Variants in LINGO2 observed in about 807,000 individuals in gnomAD.
The protein encoded by LINGO2 is leucine-rich repeat and immunoglobulin-like domain-containing nogo receptor-interacting protein 2.
Under a neutral mutation model 30.6 loss-of-function variants are expected in LINGO2, and 14 were observed. The ratio of observed to expected loss-of-function variants is 0.46; its 90% CI spans 0.30 to 0.72. LINGO2 has a LOEUF of 0.72. LINGO2 is among the 30% of genes least tolerant of loss of function. LINGO2 has a pLI of 0.07. For missense variants in LINGO2, 729 were observed against 751.7 expected (o/e 0.97, Z 0.35); for synonymous variants, 317 against 288.5 (o/e 1.10, Z -1.00).
At chr9:28,407,794 C>A (rs2134786406) in intron 2 of LINGO2, among the ~76,000 whole-genome samples, 1 of 152,266 alleles carries the variant, frequency 6.6e-6, no homozygotes, top group South Asian at 2.1e-4. Context: ...TATAATTTTA[C>A]AAATAAGTCT....
intron 4 of LINGO2, among the ~76,000 whole-genome samples, chr9:28,263,470 T>G (rs1822636663): frequency 6.6e-6 from 1 of 151,952 alleles, no homozygotes; most frequent in Admixed American, 6.6e-5. Context: ...AAAGCAGGAC[T>G]TTTGGAGACC....
At chr9:28,225,994 C>A (rs1821131310) in intron 4 of LINGO2, among the ~76,000 whole-genome samples, 1 of 152,080 alleles carries the variant, frequency 6.6e-6, no homozygotes, top group Admixed American at 6.6e-5. Context: ...AAATCAATCT[C>A]CAGGAATGAC....
chr9:27,957,103 A>C (rs1010890049), intron 5 of LINGO2, among the ~76,000 whole-genome samples: 1 of 152,114 alleles, frequency 6.6e-6, no homozygotes, highest in Non-Finnish European at 1.5e-5. Context: ...CAAAAATATA[A>C]ATAAGTAAAC....
chr9:29,158,648 C>CGTAT, the LINGO2 span, among the ~76,000 whole-genome samples: 1 of 152,168 alleles, frequency 6.6e-6, no homozygotes. Context: ...GGTTATACTA[C>CGTAT]AACTCTCTAA....
At chr9:28,262,350 T>C (rs758140837) in intron 4 of LINGO2, among the ~76,000 whole-genome samples, 4 of 151,948 alleles carry the variant, frequency 2.6e-5, no homozygotes, top group African/African-American at 4.8e-5. Flanking sequence ...AGATCTATTA[T>C]AGCTTCAATG....
chr9:28,267,855 A>G (rs1437237605), intron 4 of LINGO2, among the ~76,000 whole-genome samples: 4 of 151,950 alleles, frequency 2.6e-5, no homozygotes, highest in African/African-American at 4.8e-5. Flanking sequence ...ACCAAGTTCA[A>G]TTCTTGGCTC....
intron 1 of LINGO2, among the ~76,000 whole-genome samples, chr9:28,522,945 A>G (rs562189879): frequency 6.6e-6 from 1 of 152,190 alleles, no homozygotes; most frequent in East Asian, 1.9e-4. Context: ...ACAGGGAGAA[A>G]CAGAGTAAGG....
the LINGO2 span, among the ~76,000 whole-genome samples, chr9:28,782,935 G>C: frequency 6.6e-6 from 1 of 152,118 alleles, no homozygotes; most frequent in Non-Finnish European, 1.5e-5. Context: ...TTGCTGCTAG[G>C]TTACAAACCT....
intron 2 of LINGO2, among the ~76,000 whole-genome samples, chr9:28,452,219 C>CA (rs911344606): frequency 1.3e-5 from 2 of 151,618 alleles, no homozygotes; most frequent in Non-Finnish European, 3.0e-5. Flanking sequence ...ATTTACTAAG[C>CA]AAAAGAGTAG....
At chr9:28,788,490 T>C in the LINGO2 span, among the ~76,000 whole-genome samples, 1 of 152,194 alleles carries the variant, frequency 6.6e-6, no homozygotes, top group Admixed American at 6.5e-5. Flanking sequence ...GCTTTGGTAT[T>C]TGAGAGCGAA....
chr9:29,157,594 G>A, the LINGO2 span, among the ~76,000 whole-genome samples: 105 of 152,108 alleles, frequency 6.9e-4, no homozygotes, highest in African/African-American at 2.5e-3. Context: ...AATAATATCA[G>A]ACTAAAAAAA....
At chr9:28,671,986 CTTA>C (rs963467918), upstream of LINGO2, among the ~76,000 whole-genome samples, 7 of 151,918 alleles carry the variant, frequency 4.6e-5, no homozygotes, top group African/African-American at 1.5e-4. Flanking sequence ...ATATATATTT[CTTA>C]TTATGTGCTT....
the LINGO2 span, among the ~76,000 whole-genome samples, chr9:28,967,338 A>G: frequency 6.6e-6 from 1 of 152,168 alleles, no homozygotes; most frequent in Non-Finnish European, 1.5e-5. Flanking sequence ...GCAATATTGT[A>G]AGGAAAAGTC....
chr9:28,055,032 C>CA (rs138401598), intron 4 of LINGO2, among the ~76,000 whole-genome samples: 33,160 of 151,686 alleles, frequency 0.22, 3,696 homozygotes, highest in South Asian at 0.37. Flanking sequence ...CACAAACTTG[C>CA]AAAAAAAATA....
chr9:29,041,802 A>G, the LINGO2 span, among the ~76,000 whole-genome samples: 1 of 152,162 alleles, frequency 6.6e-6, no homozygotes, highest in East Asian at 1.9e-4. Flanking sequence ...TGATAAGTAG[A>G]TCTTATCAAA....
rs1824650023 is a variant in LINGO2, at chr9:28,587,955, C to G, written c.-365+82245G>C. 3.9e-5 allele frequency among the ~76,000 whole-genome samples: 6 copies of G among 151,928 alleles called. No homozygotes were observed. The South Asian group carries it at 1.2e-3, about 31-fold the overall frequency. ...GGACACCGAGTTGGATGAAGAATTG[C>G]TGTAGTAGGCACTGGGCTGGCCACG... is the stretch of plus-strand genomic sequence containing the variant. On this transcript the variant is annotated intron_variant, in intron 1 of 5. Coordinates refer to ENST00000379992, the Ensembl canonical transcript of LINGO2.
chr9:28,180,626 A>C (rs1003194313), intron 4 of LINGO2, among the ~76,000 whole-genome samples: 2 of 152,310 alleles, frequency 1.3e-5, no homozygotes, highest in Middle Eastern at 3.4e-3. Flanking sequence ...AACAGCTTAA[A>C]GACCAGCTTT....
At chr9:28,861,299 TTATA>T in the LINGO2 span, among the ~76,000 whole-genome samples, 1 of 127,578 alleles carries the variant, frequency 7.8e-6, no homozygotes. Context: ...ATTTTATATA[TTATA>T]TATTTTATAT....
At chr9:29,002,940 A>C in the LINGO2 span, among the ~76,000 whole-genome samples, 2 of 152,012 alleles carry the variant, frequency 1.3e-5, no homozygotes, top group Admixed American at 1.3e-4. Flanking sequence ...TTGAAGATGT[A>C]ATCAAATGAG....
Sources: allele counts gnomAD v4.1 joint callset (sites outside exome capture counted in the v4.1 genomes callset), GRCh38; gene constraint gnomAD v4.1.1; transcripts MANE v1.5; gene names NCBI Gene and HGNC (gene_info 2026-07-23, HGNC 2026-07-21).